CHCHD6: variants seen among roughly 807,000 people sequenced by gnomAD.
The protein encoded by CHCHD6 is MICOS complex subunit MIC25.
CHCHD6 carries 28 observed loss-of-function variants against 32.3 expected under a neutral mutation model. That is an observed-to-expected ratio of 0.87 (90% confidence interval 0.64 to 1.19). The LOEUF (loss-of-function observed/expected upper bound fraction) is 1.19. Ranked by LOEUF, CHCHD6 falls within the 50% of genes most tolerant of loss-of-function variation. The pLI is 0.00. For synonymous variants in CHCHD6, 122 were observed against 117.5 expected, an observed-to-expected ratio of 1.04 and a Z score of -0.25; for missense variants, 333 against 307.0, an observed-to-expected ratio of 1.08 and a Z score of -0.63.
Position 126,796,904 on chromosome 3 carries a change from C to T in CHCHD6, c.412-55743C>T, listed in dbSNP as rs1290417437. On this transcript the variant is annotated intron_variant, in intron 4 of 7. Coordinates refer to ENST00000290913, the MANE Select transcript of CHCHD6 (RefSeq NM_032343.3). The stretch of plus-strand genomic sequence containing the variant: ...AGAAGTCAGGGGAGGATCAGGGAAG[C>T]CTTGGGTACAGGGCCAGGAGGCCCT... Among the ~76,000 whole-genome samples the T allele has an allele frequency of 2.0e-5, 3 of 152,188 alleles. No homozygotes were observed. In the East Asian group the frequency reaches 5.8e-4, roughly 29 times the overall value.
chr3:126,862,461 C>CTCT (rs1221602805), intron 5 of CHCHD6, among the ~76,000 whole-genome samples: 11 of 135,056 alleles, frequency 8.1e-5, no homozygotes, highest in Admixed American at 1.5e-4. Context: ...CCTCCTCCTC[C>CTCT]ACCATCACCA....
chr3:126,881,348 C>A (rs1189928231), intron 5 of CHCHD6, among the ~76,000 whole-genome samples: 1 of 152,214 alleles, frequency 6.6e-6, no homozygotes, highest in East Asian at 1.9e-4. Flanking sequence ...CCTGGTGTCT[C>A]CCCCAGTGCT....
intron 4 of CHCHD6, among the ~76,000 whole-genome samples, chr3:126,772,881 A>G (rs559431336): frequency 3.3e-5 from 5 of 152,212 alleles, no homozygotes; most frequent in African/African-American, 1.2e-4. Context: ...TTTCCTTTCA[A>G]TATTTGGTGC....
intron 4 of CHCHD6, among the ~76,000 whole-genome samples, chr3:126,803,155 A>C (rs193153850): frequency 6.6e-6 from 1 of 152,298 alleles, no homozygotes; most frequent in African/African-American, 2.4e-5. Flanking sequence ...AACTGCATCA[A>C]CTAACGAGCA....
chr3:126,825,590 A>G (rs998293073), intron 4 of CHCHD6, among the ~76,000 whole-genome samples: 2 of 152,218 alleles, frequency 1.3e-5, no homozygotes, highest in African/African-American at 4.8e-5. Flanking sequence ...TTAGATGTAT[A>G]TAAATCTGGG....
chr3:126,762,763 A>G (rs1260083294), intron 4 of CHCHD6, among the ~76,000 whole-genome samples: 1 of 152,138 alleles, frequency 6.6e-6, no homozygotes, highest in Non-Finnish European at 1.5e-5. Flanking sequence ...CAGTGCATGT[A>G]TATTTATACT....
rs116423323 is a variant in CHCHD6, at chr3:126,763,818, G to A, written c.411+30596G>A. Among the ~76,000 whole-genome samples the A allele has an allele frequency of 4.0e-3, 615 of 152,316 alleles. 6 individuals carry two copies. The highest frequency in any genetic ancestry group is 0.014 in the African/African-American group (588 of 41,570). On this transcript the variant is annotated intron_variant, in intron 4 of 7. Coordinates refer to ENST00000290913, the MANE Select transcript of CHCHD6 (RefSeq NM_032343.3). Reference sequence around the variant, plus strand: ...GTTACCAGAGGCTATGGGAGAGGAAGTTGAGGAATTATGGTTTAACCAGTA... The same window carrying A: ...GTTACCAGAGGCTATGGGAGAGGAAATTGAGGAATTATGGTTTAACCAGTA...
intron 4 of CHCHD6, among the ~76,000 whole-genome samples, chr3:126,744,426 A>G (rs940690065): frequency 1.3e-5 from 2 of 152,180 alleles, no homozygotes; most frequent in Non-Finnish European, 2.9e-5. Context: ...TTTGCCGGAG[A>G]AAAGTCCGAT....
Position 126,727,101 on chromosome 3 carries a change from C to CA in CHCHD6, c.112dup (p.Met38AsnfsTer54). On this transcript the variant is annotated frameshift_variant, in exon 2 of 8. Coordinates refer to ENST00000290913, the MANE Select transcript of CHCHD6 (RefSeq NM_032343.3). LOFTEE classifies it high-confidence loss of function. ...AGCTGTCTGAAAACGTGGTGAACCG[C>CA]ATGAAGGAGCCCAGCTCTCCACCCC... is the stretch of plus-strand genomic sequence containing the variant. 6.2e-7 allele frequency: 1 copy of CA among 1,614,012 alleles called. No homozygotes were observed. The highest frequency in any genetic ancestry group is 8.5e-7 in the Non-Finnish European group (1 of 1,179,886).
intron 4 of CHCHD6, among the ~76,000 whole-genome samples, chr3:126,765,784 C>T (rs1276021252): frequency 1.3e-5 from 2 of 152,210 alleles, no homozygotes; most frequent in Non-Finnish European, 2.9e-5. Flanking sequence ...TTCATTTGGA[C>T]TTCTTTAACA....
At position 126,913,207 on chromosome 3, in the gene CHCHD6, C is replaced by CTTTTT. The variant is rs546179022; in HGVS notation, c.496-1440_496-1436dup. Among the ~76,000 whole-genome samples the CTTTTT allele has an allele frequency of 6.2e-4, 21 of 33,786 alleles. 6 individuals carry two copies. The highest frequency in any genetic ancestry group is 1.5e-3 in the Admixed American group (3 of 1,960). The allele number at this position is 33,786 out of a possible 152,430, so 22.2% of individuals were successfully genotyped here. On this transcript the variant is annotated intron_variant, in intron 5 of 7. Coordinates refer to ENST00000290913, the MANE Select transcript of CHCHD6 (RefSeq NM_032343.3). ...GGATAATCATGCTGCCCGTATGAGC[C>CTTTTT]TTTTTTTTTTTTTTTTTTTTTTTTT...
chr3:126,908,805 A>G lies in CHCHD6; in HGVS notation c.496-5875A>G, dbSNP rs1422647168. ...GCACTGTTCTAAGAATTTTATATGC[A>G]TTGTCATTCGATTCCCACAAAACTG... On this transcript the variant is annotated intron_variant, in intron 5 of 7. Coordinates refer to ENST00000290913, the MANE Select transcript of CHCHD6 (RefSeq NM_032343.3). Among the ~76,000 whole-genome samples the G allele has an allele frequency of 2.6e-5, 4 of 152,358 alleles. No individual in the cohort carries two copies. In the South Asian group the frequency reaches 6.2e-4, roughly 24 times the overall value.
chr3:126,803,469 G>A (rs1939188762), intron 4 of CHCHD6, among the ~76,000 whole-genome samples: 1 of 152,066 alleles, frequency 6.6e-6, no homozygotes, highest in Non-Finnish European at 1.5e-5. Flanking sequence ...AGACAAAGAA[G>A]GCCATTACAT....
At chr3:126,766,904 G>A (rs1221488205) in intron 4 of CHCHD6, 5 of 1,036,392 alleles carry the variant, frequency 4.8e-6, no homozygotes, top group Non-Finnish European at 6.1e-6. Flanking sequence ...TGCTCTGCGT[G>A]GCCCAGCCGG....
At chr3:126,815,715 A>G (rs1437088477) in intron 4 of CHCHD6, among the ~76,000 whole-genome samples, 1 of 139,358 alleles carries the variant, frequency 7.2e-6, no homozygotes, top group Non-Finnish European at 1.5e-5. Flanking sequence ...AGAATTATCC[A>G]TCAGAAACAC....
At chr3:126,797,128 C>T (rs1938830125) in intron 4 of CHCHD6, among the ~76,000 whole-genome samples, 1 of 152,196 alleles carries the variant, frequency 6.6e-6, no homozygotes, top group Non-Finnish European at 1.5e-5. Context: ...CTGTGTCTCT[C>T]TCTGCAGGGT....
chr3:126,837,954 C>G (rs906958119), intron 4 of CHCHD6, among the ~76,000 whole-genome samples: 1 of 152,202 alleles, frequency 6.6e-6, no homozygotes, highest in Non-Finnish European at 1.5e-5. Flanking sequence ...GCCATCTGTC[C>G]TGTGATCCCT....
chr3:126,943,527 T>C lies in CHCHD6; in HGVS notation c.567-13889T>C, dbSNP rs772165806. 2.3e-4 allele frequency among the ~76,000 whole-genome samples: 35 copies of C among 152,154 alleles called. 1 individual carries two copies. Among genetic ancestry groups the C allele is most frequent in the Admixed American group, 1.0e-3 (16 of 15,286 alleles). On this transcript the variant is annotated intron_variant, in intron 6 of 7. Coordinates refer to ENST00000290913, the MANE Select transcript of CHCHD6 (RefSeq NM_032343.3). ...CTGGTCCAAAGCCAAGGTGTGGCAG[T>C]AGAAGTTGAGGCACATTTTCTGGGT...
At chr3:126,934,038 G>C (rs1018765459) in intron 6 of CHCHD6, among the ~76,000 whole-genome samples, 1 of 152,166 alleles carries the variant, frequency 6.6e-6, no homozygotes, top group African/African-American at 2.4e-5. Flanking sequence ...CCTCAGCCTT[G>C]AGCATTTCCC....
Sources: gnomAD v4.1 joint callset for allele counts (sites outside exome capture counted in the v4.1 genomes callset) on GRCh38, gnomAD v4.1.1 for gene constraint, MANE v1.5 for transcripts, NCBI Gene and HGNC (gene_info 2026-07-23, HGNC 2026-07-21) for gene names.